The following RAP1A variants were observed in gnomAD, a reference collection of about 807,000 sequenced individuals.
RAP1A encodes RAP1A, member of RAS oncogene family.
RAP1A carries 6 observed loss-of-function variants against 26.4 expected under a neutral mutation model. The ratio of observed to expected loss-of-function variants is 0.23; its 90% CI spans 0.12 to 0.45. The LOEUF is 0.45. Among genes scored for constraint, RAP1A ranks in the 20% least tolerant of loss-of-function variants. The probability of loss-of-function intolerance (pLI) is 0.99; values close to 1 mark genes in which losing one functional copy is unlikely to be tolerated. For synonymous variants in RAP1A, 73 were observed against 79.4 expected (o/e 0.92, Z 0.43); for missense variants, 121 against 217.2 (o/e 0.56, Z 2.78).
At chr1:111,574,639 C>T (rs1032278176) in intron 1 of RAP1A, among the ~76,000 whole-genome samples, 3 of 152,142 alleles carry the variant, frequency 2.0e-5, no homozygotes, top group Non-Finnish European at 2.9e-5. Context: ...CTTTGAGCAG[C>T]GTTTTGTAAT....
At chr1:111,594,594 G>GGA (rs1658530877) in intron 1 of RAP1A, among the ~76,000 whole-genome samples, 1 of 148,492 alleles carries the variant, frequency 6.7e-6, no homozygotes, top group African/African-American at 2.5e-5. Context: ...GGAAGGGAGG[G>GGA]AGGAAGGAAG....
chr1:111,602,794 G>A (rs775701755), intron 1 of RAP1A, among the ~76,000 whole-genome samples: 3 of 151,666 alleles, frequency 2.0e-5, no homozygotes, highest in Non-Finnish European at 4.4e-5. Context: ...AAGACCTCAG[G>A]AAAATCTACC....
intron 1 of RAP1A, among the ~76,000 whole-genome samples, chr1:111,686,070 A>G (rs1661466347): frequency 1.3e-5 from 2 of 148,986 alleles, no homozygotes; most frequent in African/African-American, 4.9e-5. Context: ...TGGGAGTTGA[A>G]TAGTGAGAAC....
chr1:111,640,275 A>G (rs970349991), intron 1 of RAP1A, among the ~76,000 whole-genome samples: 1 of 152,336 alleles, frequency 6.6e-6, no homozygotes, highest in East Asian at 1.9e-4. Context: ...GATTTTAACT[A>G]AATATTATGT....
At chr1:111,608,680 C>G (rs1014094846) in intron 1 of RAP1A, 19 of 165,502 alleles carry the variant, frequency 1.1e-4, no homozygotes, top group African/African-American at 4.3e-4. Context: ...TGGCGGATCA[C>G]TCGCGGCTAG....
At chr1:111,672,603 C>G (rs576175590) in intron 1 of RAP1A, among the ~76,000 whole-genome samples, 1 of 151,990 alleles carries the variant, frequency 6.6e-6, no homozygotes, top group East Asian at 1.9e-4. Flanking sequence ...GCACGGCAGC[C>G]TAACACTTAG....
chr1:111,577,186 G>A (rs956509167), intron 1 of RAP1A, among the ~76,000 whole-genome samples: 7 of 151,836 alleles, frequency 4.6e-5, no homozygotes, highest in South Asian at 2.1e-4. Flanking sequence ...GCGGATCACC[G>A]GAGGTTAGGA....
intron 1 of RAP1A, among the ~76,000 whole-genome samples, chr1:111,666,600 T>C (rs1214653197): frequency 2.0e-5 from 3 of 152,014 alleles, no homozygotes; most frequent in Non-Finnish European, 4.4e-5. Flanking sequence ...ATAATTTGAA[T>C]GATATTCAGC....
chr1:111,694,181 C>G (rs1661761228), intron 2 of RAP1A, among the ~76,000 whole-genome samples: 1 of 152,152 alleles, frequency 6.6e-6, no homozygotes, highest in African/African-American at 2.4e-5. Context: ...GCCACTGCAT[C>G]CAGCGTAGAC....
intron 1 of RAP1A, chr1:111,649,467 C>A: frequency 3.1e-6 from 1 of 322,502 alleles, no homozygotes; most frequent in Non-Finnish European, 6.1e-6. Flanking sequence ...TAGACGCTGG[C>A]CAGGCGCCAT....
intron 4 of RAP1A, among the ~76,000 whole-genome samples, chr1:111,700,108 A>C (rs1326255200): frequency 6.6e-6 from 1 of 152,170 alleles, no homozygotes; most frequent in Non-Finnish European, 1.5e-5. Flanking sequence ...CTCAGGGTTC[A>C]ATACTTGCAC....
At chr1:111,677,041 A>G (rs1275272299) in intron 1 of RAP1A, among the ~76,000 whole-genome samples, 3 of 152,062 alleles carry the variant, frequency 2.0e-5, no homozygotes, top group African/African-American at 7.2e-5. Flanking sequence ...TGATCCGCCT[A>G]CCTCGGCCTC....
chr1:111,705,228 T>G (rs1157865112), intron 6 of RAP1A, among the ~76,000 whole-genome samples: 1 of 152,160 alleles, frequency 6.6e-6, no homozygotes, highest in Non-Finnish European at 1.5e-5. Context: ...ATAAGCCTTT[T>G]AAAAAAATAA....
intron 1 of RAP1A, among the ~76,000 whole-genome samples, chr1:111,586,214 A>G (rs865990615): frequency 1.1e-4 from 16 of 152,090 alleles, no homozygotes; most frequent in Admixed American, 5.9e-4. Flanking sequence ...TAAAATTTAA[A>G]CAACAAGTAA....
chr1:111,626,909 T>C (rs984075143), intron 1 of RAP1A, among the ~76,000 whole-genome samples: 4 of 152,040 alleles, frequency 2.6e-5, no homozygotes, highest in African/African-American at 7.3e-5. Flanking sequence ...GAGTTTTGGA[T>C]GACATTCTTT....
intron 1 of RAP1A, among the ~76,000 whole-genome samples, chr1:111,620,289 C>T (rs2101087762): frequency 6.6e-6 from 1 of 152,370 alleles, no homozygotes; most frequent in East Asian, 1.9e-4. Flanking sequence ...AAGCCCATTT[C>T]CCTCGCCGTC....
chr1:111,674,652 T>C (rs1276509863), intron 1 of RAP1A, among the ~76,000 whole-genome samples: 2 of 152,254 alleles, frequency 1.3e-5, no homozygotes, highest in African/African-American at 4.8e-5. Context: ...CCTCCTTTTG[T>C]ATTTCCTGTC....
chr1:111,569,775 A>G (rs1178297957), intron 1 of RAP1A, among the ~76,000 whole-genome samples: 2 of 152,118 alleles, frequency 1.3e-5, no homozygotes, highest in Non-Finnish European at 2.9e-5. Flanking sequence ...TGTTTGGTAT[A>G]CATGTAGCTG....
intron 1 of RAP1A, chr1:111,648,932 GTTC>G (rs1014286347): frequency 2.8e-6 from 2 of 716,504 alleles, no homozygotes; most frequent in African/African-American, 1.7e-5. Context: ...CCCCTTTATG[GTTC>G]TTCTTCATGA....
Sources: allele counts gnomAD v4.1 joint callset (sites outside exome capture counted in the v4.1 genomes callset), GRCh38; gene constraint gnomAD v4.1.1; transcripts MANE v1.5; gene names NCBI Gene and HGNC (gene_info 2026-07-23, HGNC 2026-07-21).